Variants in CLEC7A observed in about 807,000 individuals in gnomAD.
CLEC7A encodes the protein C-type lectin domain family 7 member A.
A neutral mutation model predicts 26.9 loss-of-function variants in CLEC7A; 25 were observed. The observed-to-expected ratio is 0.93, with a 90% confidence interval of 0.68 to 1.30. CLEC7A has a LOEUF of 1.30. Ranked by LOEUF, CLEC7A falls within the 50% of genes most tolerant of loss-of-function variation. The pLI is 0.00. For synonymous variants in CLEC7A, 100 were observed against 99.5 expected (o/e 1.01, Z -0.03); for missense variants, 275 against 286.7 (o/e 0.96, Z 0.29).
rs957186323 is a variant in CLEC7A, at chr12:10,116,877, C to T, written c.*1581G>A. 2 of 151,954 alleles carry T rather than the reference C, an allele frequency of 1.3e-5. No homozygotes were observed. The highest frequency in any genetic ancestry group is 2.9e-5 in the Non-Finnish European group (2 of 68,006). The allele number at this position is 151,954 out of a possible 1,614,324, so 9.4% of individuals were successfully genotyped here. On this transcript the variant is annotated 3_prime_UTR_variant, in exon 6 of 6. Transcript: ENST00000304084. ...TAGTAAAATTGGTACAATTTCTTTT[C>T]ACATATTAATCAACATTAGAGGACT...
chr12:10,119,960 A>G (rs1330045960), intron 5 of CLEC7A, among the ~76,000 whole-genome samples: 3 of 152,190 alleles, frequency 2.0e-5, no homozygotes, highest in African/African-American at 7.2e-5. Flanking sequence ...GTTGGAAGAA[A>G]AAGTAGAAGT....
intron 1 of CLEC7A, among the ~76,000 whole-genome samples, chr12:10,129,087 A>G (rs1465575801): frequency 6.6e-6 from 1 of 152,214 alleles, no homozygotes; most frequent in African/African-American, 2.4e-5. Context: ...AGATCCTCCA[A>G]TGCCCTTCTT....
intron 5 of CLEC7A, among the ~76,000 whole-genome samples, chr12:10,122,856 G>A (rs1184697945): frequency 2.0e-5 from 3 of 152,040 alleles, no homozygotes; most frequent in Non-Finnish European, 2.9e-5. Context: ...CTTATCCCCA[G>A]TGTCACACAA....
At chr12:10,126,394 T>G (rs1243320168) in intron 3 of CLEC7A, 177 bp downstream of exon 3, 2 of 980,392 alleles carry the variant, frequency 2.0e-6, no homozygotes, top group African/African-American at 1.7e-5. Flanking sequence ...ACTTATAATT[T>G]CACCTTATTG....
chr12:10,118,461 C>T lies in CLEC7A; in HGVS notation c.741G>A (p.Met247Ile). The T allele has an allele frequency of 1.2e-6, 2 of 1,608,796 alleles. No individual in the cohort carries two copies. The highest frequency in any genetic ancestry group is 1.7e-6 in the Non-Finnish European group (2 of 1,175,490). The stretch of plus-strand genomic sequence containing the variant: ...CTCTCCTTCTCCACCCTTCCTCTTA[C>T]ATTGAAAACTTCTTCTCACAAATAC... ...SYSICEKKFS[M>I] is the part of the protein sequence containing the mutation. Residue 247 changes from methionine to isoleucine, a missense_variant, in exon 6 of 6, where the codon ATG (methionine) becomes ATA (isoleucine). By Grantham distance (10) the Met-to-Ile change is conservative. Transcript: ENST00000304084.
chr12:10,126,265 A>G, intron 3 of CLEC7A: 1 of 981,222 alleles, frequency 1.0e-6, no homozygotes, highest in South Asian at 4.7e-5. Context: ...CTTTTCTTTT[A>G]TTTGTATCAA....
chr12:10,118,400 CT>C lies in CLEC7A; in HGVS notation c.*57del. The C allele has an allele frequency of 6.7e-7, 1 of 1,500,906 alleles. No individual in the cohort carries two copies. Among genetic ancestry groups the C allele is most frequent in the Non-Finnish European group, 9.2e-7 (1 of 1,086,532 alleles). The allele number at this position is 1,500,906 out of a possible 1,614,324, so 93.0% of individuals were successfully genotyped here. On this transcript the variant is annotated 3_prime_UTR_variant, in exon 6 of 6. Transcript: ENST00000304084. ...ACCTCAGCTGTTACTCTTTTCTGTTCTGTTTTCTGTCCTCCTTACTACCTCA... is the reference window on the plus strand; with the variant it reads ...ACCTCAGCTGTTACTCTTTTCTGTTCGTTTTCTGTCCTCCTTACTACCTCA...
intron 3 of CLEC7A, chr12:10,126,343 A>G (rs1948283770): frequency 1.0e-6 from 1 of 982,478 alleles, no homozygotes; most frequent in Admixed American, 6.1e-5. Flanking sequence ...TTAAAAATTA[A>G]TAAAGTCCAA....
chr12:10,126,100 G>T (rs1948273528), intron 3 of CLEC7A: 3 of 806,266 alleles, frequency 3.7e-6, no homozygotes, highest in Non-Finnish European at 4.5e-6. Context: ...TGTGTATTAG[G>T]TCTACCTCTT....
At chr12:10,121,933 G>A (rs1948098882) in intron 5 of CLEC7A, among the ~76,000 whole-genome samples, 2 of 152,234 alleles carry the variant, frequency 1.3e-5, no homozygotes, top group South Asian at 2.1e-4. Context: ...GCGTGAACCC[G>A]GGAGGCGGAG....
intron 5 of CLEC7A, 79 bp from the exon 6 acceptor site, chr12:10,118,669 A>G (rs919219774): frequency 4.0e-6 from 5 of 1,250,778 alleles, no homozygotes; most frequent in Middle Eastern, 1.9e-4. Context: ...ATAAATTAGT[A>G]AGGATATTGG....
intron 2 of CLEC7A, chr12:10,126,925 A>AC (rs1274869823): frequency 1.2e-6 from 1 of 852,382 alleles, no homozygotes; most frequent in Non-Finnish European, 1.6e-6. Context: ...AAAAAAAAAA[A>AC]AAGAAAAGAA....
chr12:10,126,987 T>G (rs1948311109), intron 2 of CLEC7A: 1 of 1,300,172 alleles, frequency 7.7e-7, no homozygotes, highest in South Asian at 1.5e-5. Flanking sequence ...AAGAGGCAAA[T>G]GTCATAGAGT....
chr12:10,126,821 A>G, intron 2 of CLEC7A, 113 bp from the exon 3 acceptor site: 2 of 832,214 alleles, frequency 2.4e-6, no homozygotes, highest in South Asian at 1.9e-5. Flanking sequence ...ATTATTGATT[A>G]ATGATAAATA....
intron 4 of CLEC7A, among the ~76,000 whole-genome samples, chr12:10,123,622 G>A (rs1485872262): frequency 7.0e-6 from 1 of 143,596 alleles, no homozygotes; most frequent in Non-Finnish European, 1.5e-5. Flanking sequence ...TTAGCCGGGC[G>A]CGGTGGCGGG....
Position 10,117,839 on chromosome 12 carries a change from A to G in CLEC7A, c.*619T>C, listed in dbSNP as rs1271478004. Reference sequence around the variant, plus strand: ...CATTGTTGAGCATGAAACAACTCTGATAGAGCCAGAAATTAAGATTCGCTT... The same window carrying G: ...CATTGTTGAGCATGAAACAACTCTGGTAGAGCCAGAAATTAAGATTCGCTT... On this transcript the variant is annotated 3_prime_UTR_variant, in exon 6 of 6. Coordinates refer to ENST00000304084, the MANE Select transcript of CLEC7A (RefSeq NM_197947.3). 6.6e-6 allele frequency: 1 copy of G among 152,560 alleles called. No individual in the cohort carries two copies. 9.5% of individuals were successfully genotyped at this position (152,560 alleles called of 1,614,324 possible). A position where few individuals can be genotyped will look rare whatever the true frequency, so the allele number is the denominator to read the frequency against.
intron 2 of CLEC7A, chr12:10,126,932 A>G: frequency 7.8e-6 from 7 of 903,020 alleles, no homozygotes; most frequent in Non-Finnish European, 1.1e-5. Context: ...AAAAAAGAAA[A>G]GAAAAAAGAA....
intron 5 of CLEC7A, among the ~76,000 whole-genome samples, chr12:10,120,284 T>G (rs1315859942): frequency 2.6e-5 from 4 of 152,300 alleles, no homozygotes; most frequent in African/African-American, 9.6e-5. Flanking sequence ...CAAGTATGGC[T>G]GAGAATTTTT....
At chr12:10,121,312 T>C (rs1391779858) in intron 5 of CLEC7A, among the ~76,000 whole-genome samples, 1 of 150,736 alleles carries the variant, frequency 6.6e-6, no homozygotes, top group East Asian at 1.9e-4. Flanking sequence ...TGTTAAATCG[T>C]CCAAAAAGGA....
Sources: allele counts gnomAD v4.1 joint callset (sites outside exome capture counted in the v4.1 genomes callset), GRCh38; gene constraint gnomAD v4.1.1; transcripts MANE v1.5; gene names NCBI Gene and HGNC (gene_info 2026-07-23, HGNC 2026-07-21).